RAP1GAP2: variants seen among roughly 807,000 people sequenced by gnomAD.
RAP1GAP2 encodes the protein rap1 GTPase-activating protein 2.
Under a neutral mutation model 95.0 loss-of-function variants are expected in RAP1GAP2, and 27 were observed. The observed-to-expected ratio is 0.28, with a 90% confidence interval of 0.21 to 0.39. The LOEUF (loss-of-function observed/expected upper bound fraction) is 0.39. Ranked by LOEUF, RAP1GAP2 falls within the 10% of genes least tolerant of loss-of-function variation. The pLI, the probability that RAP1GAP2 is intolerant of heterozygous loss-of-function variation, is 1.00. For synonymous variants in RAP1GAP2, 373 were observed against 380.9 expected (o/e 0.98, Z 0.24); for missense variants, 771 against 970.0 (o/e 0.79, Z 2.72).
At chr17:2,957,735 T>G in intron 3 of RAP1GAP2, 24 bp from the exon 4 acceptor site, 1 of 1,605,098 alleles carries the variant, frequency 6.2e-7, no homozygotes, top group Non-Finnish European at 8.5e-7. Context: ...CCTGTCTTTC[T>G]GTCCCCCTGC....
chr17:2,931,860 G>A (rs1409001831), intron 3 of RAP1GAP2, among the ~76,000 whole-genome samples: 1 of 152,188 alleles, frequency 6.6e-6, no homozygotes, highest in Non-Finnish European at 1.5e-5. Flanking sequence ...GGGCAGGTTA[G>A]GGGATGCTGG....
At chr17:2,801,796 G>A (rs1314597153) in intron 2 of RAP1GAP2, among the ~76,000 whole-genome samples, 1 of 152,140 alleles carries the variant, frequency 6.6e-6, no homozygotes, top group Admixed American at 6.6e-5. Context: ...CGTCTGCTGA[G>A]GTCCGAAGCA....
intron 3 of RAP1GAP2, among the ~76,000 whole-genome samples, chr17:2,939,747 A>G (rs564025066): frequency 1.1e-3 from 175 of 152,322 alleles, no homozygotes; most frequent in Non-Finnish European, 1.9e-3. Context: ...GTGGGCGTCC[A>G]TTCATCACCT....
intron 14 of RAP1GAP2, among the ~76,000 whole-genome samples, chr17:3,001,920 C>A (rs560416559): frequency 6.6e-6 from 1 of 152,180 alleles, no homozygotes; most frequent in South Asian, 2.1e-4. Flanking sequence ...AAAAGCGCCA[C>A]CCCACCTCCA....
upstream of RAP1GAP2, among the ~76,000 whole-genome samples, chr17:2,774,164 TC>T (rs147449656): frequency 1.8e-3 from 268 of 152,300 alleles, 2 homozygotes; most frequent in East Asian, 0.015. Flanking sequence ...TCTGAAGGGT[TC>T]CCATGGAGTA....
chr17:2,978,732 G>A (rs1003412798), intron 8 of RAP1GAP2, among the ~76,000 whole-genome samples: 24 of 151,838 alleles, frequency 1.6e-4, no homozygotes, highest in Non-Finnish European at 2.1e-4. Flanking sequence ...TCAGGAATTC[G>A]AGACCAGCCT....
intron 2 of RAP1GAP2, among the ~76,000 whole-genome samples, chr17:2,852,966 A>G (rs2071934283): frequency 6.6e-6 from 1 of 151,626 alleles, no homozygotes. Context: ...CCACGCGACG[A>G]GTGCGCAGCG....
intron 1 of RAP1GAP2, among the ~76,000 whole-genome samples, chr17:2,760,749 C>G (rs530417256): frequency 6.6e-6 from 1 of 151,878 alleles, no homozygotes; most frequent in Non-Finnish European, 1.5e-5. Flanking sequence ...TCCTGTGCTT[C>G]GTTGAGCTCC....
intron 3 of RAP1GAP2, among the ~76,000 whole-genome samples, chr17:2,946,577 C>T (rs936857285): frequency 1.2e-4 from 18 of 152,102 alleles, no homozygotes; most frequent in African/African-American, 3.6e-4. Flanking sequence ...AACCATCTTC[C>T]CACCCTTCCC....
chr17:2,994,043 C>G (rs993480313), intron 12 of RAP1GAP2, among the ~76,000 whole-genome samples: 1 of 152,184 alleles, frequency 6.6e-6, no homozygotes, highest in South Asian at 2.1e-4. Flanking sequence ...GAACCCCTGA[C>G]TGAAACCAAA....
intron 1 of RAP1GAP2, among the ~76,000 whole-genome samples, chr17:2,780,886 C>T (rs2068630102): frequency 1.3e-5 from 2 of 152,212 alleles, no homozygotes; most frequent in Admixed American, 1.3e-4. Context: ...GGTGCCTGTC[C>T]AGTAGGAAGT....
At chr17:2,913,349 C>T (rs1215881766) in intron 3 of RAP1GAP2, among the ~76,000 whole-genome samples, 1 of 151,970 alleles carries the variant, frequency 6.6e-6, no homozygotes, top group Non-Finnish European at 1.5e-5. Context: ...AGTGCAGTGG[C>T]GTAATCTCAG....
At chr17:2,922,730 A>G (rs2042823858) in intron 3 of RAP1GAP2, among the ~76,000 whole-genome samples, 1 of 152,172 alleles carries the variant, frequency 6.6e-6, no homozygotes, top group Non-Finnish European at 1.5e-5. Flanking sequence ...TTGGTGCTTA[A>G]TAAATACTCA....
chr17:2,788,425 AGCTGGGATTACAGGT>A (rs1320091135), intron 1 of RAP1GAP2, among the ~76,000 whole-genome samples: 4 of 152,156 alleles, frequency 2.6e-5, no homozygotes, highest in African/African-American at 9.7e-5. Flanking sequence ...CCTCCTGAGT[AGCTGGGATTACAGGT>A]GCCCGCCACC....
intron 2 of RAP1GAP2, among the ~76,000 whole-genome samples, chr17:2,847,433 C>A (rs1026842754): frequency 3.3e-5 from 5 of 152,140 alleles, no homozygotes; most frequent in African/African-American, 1.2e-4. Context: ...AAGCCCTAGT[C>A]GCCTGGAAAT....
At chr17:2,939,964 GTCA>G (rs983456166) in intron 3 of RAP1GAP2, among the ~76,000 whole-genome samples, 5 of 152,236 alleles carry the variant, frequency 3.3e-5, no homozygotes, top group African/African-American at 1.2e-4. Context: ...GTTGTCCAGC[GTCA>G]GCAGCAGCCG....
chr17:3,017,873 A>G (rs1297819303), intron 17 of RAP1GAP2, among the ~76,000 whole-genome samples, 188 bp from the exon 18 acceptor site: 1 of 152,028 alleles, frequency 6.6e-6, no homozygotes, highest in Non-Finnish European at 1.5e-5. Context: ...GAATATGGAA[A>G]CATCCTCTGT....
chr17:2,836,759 T>G (rs2071148702), intron 2 of RAP1GAP2, among the ~76,000 whole-genome samples: 1 of 152,190 alleles, frequency 6.6e-6, no homozygotes, highest in Non-Finnish European at 1.5e-5. Flanking sequence ...ATTCCTGCAT[T>G]TATTTCATTC....
chr17:2,965,258 A>T lies in RAP1GAP2; in HGVS notation c.493-282A>T. The T allele has an allele frequency of 2.2e-6, 1 of 455,602 alleles. No individual in the cohort carries two copies. Among genetic ancestry groups the T allele is most frequent in the Non-Finnish European group, 4.0e-6 (1 of 249,538 alleles). The allele number at this position is 455,602 out of a possible 1,614,324, so 28.2% of individuals were successfully genotyped here. On this transcript the variant is annotated intron_variant, in intron 7 of 24. Coordinates refer to ENST00000254695, the MANE Select transcript of RAP1GAP2 (RefSeq NM_015085.5). This position sits in a 1 kb window ranked among gnomAD's most constrained non-coding sequence, Gnocchi z 4.7. ...TCCTGGGCAGTGACTTAACCCCCCGACCATTGGTTTTCCCATCTGTGAAAT... is the reference window on the plus strand; with the variant it reads ...TCCTGGGCAGTGACTTAACCCCCCGTCCATTGGTTTTCCCATCTGTGAAAT...
Sources: gnomAD v4.1 joint callset for allele counts (sites outside exome capture counted in the v4.1 genomes callset) on GRCh38, gnomAD v4.1.1 for gene constraint, Gnocchi (gnomAD v3.1) non-coding constraint, MANE v1.5 for transcripts, NCBI Gene and HGNC (gene_info 2026-07-23, HGNC 2026-07-21) for gene names.